PRELID2: variants seen among roughly 807,000 people sequenced by gnomAD.
PRELID2 encodes PRELI domain-containing protein 2.
A neutral mutation model predicts 28.4 loss-of-function variants in PRELID2; 25 were observed. The observed-to-expected ratio is 0.88, with a 90% CI of 0.64 to 1.23. PRELID2 has a LOEUF of 1.23. PRELID2 is among the 50% of genes most tolerant of loss of function. The pLI, the probability that PRELID2 is intolerant of heterozygous loss-of-function variation, is 0.00. For synonymous variants in PRELID2, 76 were observed against 71.6 expected (o/e 1.06, Z -0.31); for missense variants, 201 against 214.4 (o/e 0.94, Z 0.39).
intron 1 of PRELID2, among the ~76,000 whole-genome samples, chr5:145,526,354 C>A (rs1438624762): frequency 6.6e-6 from 1 of 152,122 alleles, no homozygotes; most frequent in Non-Finnish European, 1.5e-5. Context: ...GACACAAAAC[C>A]TGTAGTGAAG....
chr5:145,358,593 G>T, the PRELID2 span, among the ~76,000 whole-genome samples: 1 of 152,008 alleles, frequency 6.6e-6, no homozygotes, highest in Non-Finnish European at 1.5e-5. Flanking sequence ...TGGATAAGAG[G>T]GTGACCAAAG....
the PRELID2 span, among the ~76,000 whole-genome samples, chr5:145,333,819 CA>C: frequency 5.3e-3 from 483 of 91,056 alleles, 2 homozygotes; most frequent in Middle Eastern, 0.041. Flanking sequence ...CTGGAGTATA[CA>C]AAAAAAAAAA....
At chr5:145,633,133 G>A (rs2149659577) in intron 1 of PRELID2, among the ~76,000 whole-genome samples, 1 of 152,274 alleles carries the variant, frequency 6.6e-6, no homozygotes. Context: ...CTCCAAATGA[G>A]GACACAGCTG....
chr5:145,499,046 G>A (rs1446261468), intron 1 of PRELID2, among the ~76,000 whole-genome samples: 1 of 152,118 alleles, frequency 6.6e-6, no homozygotes, highest in African/African-American at 2.4e-5. Flanking sequence ...CCAGGAGTTT[G>A]AGACCAGCCT....
the PRELID2 span, among the ~76,000 whole-genome samples, chr5:145,376,839 T>C: frequency 1.4e-4 from 22 of 151,964 alleles, no homozygotes; most frequent in Non-Finnish European, 1.3e-4. Context: ...GAAAGACAGG[T>C]GTCTGGGTTT....
intron 1 of PRELID2, among the ~76,000 whole-genome samples, chr5:145,483,150 C>T (rs1423254525): frequency 6.6e-6 from 1 of 152,114 alleles, no homozygotes; most frequent in Non-Finnish European, 1.5e-5. Context: ...TTGATGTCTC[C>T]TTGTGTTCAC....
chr5:145,551,321 AACCC>A (rs1366592651), intron 1 of PRELID2, among the ~76,000 whole-genome samples: 1 of 151,988 alleles, frequency 6.6e-6, no homozygotes, highest in Admixed American at 6.6e-5. Context: ...GAATCGCTTG[AACCC>A]AGGAGGCAGA....
the PRELID2 span, among the ~76,000 whole-genome samples, chr5:145,371,507 G>C: frequency 5.9e-5 from 9 of 152,162 alleles, no homozygotes; most frequent in African/African-American, 1.4e-4. Context: ...GCTGGATTTG[G>C]TTTGCCAGTA....
chr5:145,497,627 C>A (rs1161208775), intron 1 of PRELID2, among the ~76,000 whole-genome samples: 1 of 152,152 alleles, frequency 6.6e-6, no homozygotes, highest in African/African-American at 2.4e-5. Context: ...GTGGAAATTT[C>A]TAATGGCCAC....
Position 145,603,926 on chromosome 5 carries a change from ATAGAATAGTCAATC to A in PRELID2, n.71-130625_71-130612del, listed in dbSNP as rs1367026476. ...CAATAAATATAAACAGAATGATTAA[ATAGAATAGTCAATC>A]TAGAAAAATAAATTAGAGAAAAGAT... On this transcript the variant is annotated intron_variant and non_coding_transcript_variant, in intron 1 of 2. Coordinates refer to the PRELID2 transcript ENST00000510259. Among the ~76,000 whole-genome samples the A allele has an allele frequency of 2.4e-4, 37 of 152,232 alleles. No individual in the cohort carries two copies. The Middle Eastern group carries it at 0.014, about 56-fold the overall frequency.
chr5:145,252,453 A>G, the PRELID2 span, among the ~76,000 whole-genome samples: 1 of 152,070 alleles, frequency 6.6e-6, no homozygotes, highest in Non-Finnish European at 1.5e-5. Flanking sequence ...TGATTTTCTC[A>G]TTTTTCAAAT....
At chr5:145,511,679 C>T (rs1752462685) in intron 1 of PRELID2, among the ~76,000 whole-genome samples, 1 of 152,184 alleles carries the variant, frequency 6.6e-6, no homozygotes, top group African/African-American at 2.4e-5. Flanking sequence ...ATGAAGTCTG[C>T]ATTCAAAATG....
At chr5:145,751,788 C>T (rs1757130352), downstream of PRELID2, among the ~76,000 whole-genome samples, 1 of 152,134 alleles carries the variant, frequency 6.6e-6, no homozygotes, top group Admixed American at 6.5e-5. Context: ...TTAAAACCAG[C>T]CTGGCCAACA....
At chr5:145,522,441 CAGAG>C (rs967360591) in intron 1 of PRELID2, among the ~76,000 whole-genome samples, 7 of 151,420 alleles carry the variant, frequency 4.6e-5, no homozygotes, top group African/African-American at 1.5e-4. Context: ...GAAAGAGAGA[CAGAG>C]AGACAGAGAG....
intron 1 of PRELID2, among the ~76,000 whole-genome samples, chr5:145,742,277 A>G (rs1311510657): frequency 7.2e-6 from 1 of 138,766 alleles, no homozygotes; most frequent in Non-Finnish European, 1.5e-5. Context: ...TAATACAAAT[A>G]AAATATATAT....
the PRELID2 span, among the ~76,000 whole-genome samples, chr5:145,443,181 C>T: frequency 6.6e-6 from 1 of 152,042 alleles, no homozygotes; most frequent in Non-Finnish European, 1.5e-5. Flanking sequence ...GCAGTCCAAC[C>T]TGGCATTGTC....
intron 1 of PRELID2, among the ~76,000 whole-genome samples, chr5:145,554,533 A>C (rs1210079658): frequency 6.6e-6 from 1 of 152,170 alleles, no homozygotes; most frequent in Non-Finnish European, 1.5e-5. Flanking sequence ...GACCAGGTTG[A>C]AGGATCCACT....
chr5:145,311,768 G>T, the PRELID2 span, among the ~76,000 whole-genome samples: 3 of 152,138 alleles, frequency 2.0e-5, no homozygotes, highest in Non-Finnish European at 2.9e-5. Flanking sequence ...GATGAACACA[G>T]AAAGATGTGC....
the PRELID2 span, among the ~76,000 whole-genome samples, chr5:145,380,243 G>T: frequency 4.6e-5 from 7 of 152,268 alleles, no homozygotes; most frequent in Admixed American, 3.9e-4. Flanking sequence ...TTCCTCCAGA[G>T]CCATTGGGGG....
Sources: gnomAD v4.1 joint callset for allele counts (sites outside exome capture counted in the v4.1 genomes callset) on GRCh38, gnomAD v4.1.1 for gene constraint, MANE v1.5 for transcripts, NCBI Gene and HGNC (gene_info 2026-07-23, HGNC 2026-07-21) for gene names.